The following RAB6A variants were observed in gnomAD, a reference collection of about 807,000 sequenced individuals.
RAB6A encodes the protein ras-related protein Rab-6A.
A neutral mutation model predicts 32.3 loss-of-function variants in RAB6A; 8 were observed. The observed-to-expected ratio is 0.25, with a 90% CI of 0.15 to 0.45. The LOEUF (loss-of-function observed/expected upper bound fraction) is 0.45, where lower values mean the gene tolerates loss of function less well. Among genes scored for constraint, RAB6A ranks in the 20% least tolerant of loss-of-function variants. RAB6A has a pLI of 1.00. For synonymous variants in RAB6A, 73 were observed against 82.1 expected (o/e 0.89, Z 0.60); for missense variants, 104 against 249.4 (o/e 0.42, Z 3.93).
At chr11:73,697,058 C>T (rs1365460111) in intron 6 of RAB6A, among the ~76,000 whole-genome samples, 2 of 151,572 alleles carry the variant, frequency 1.3e-5, no homozygotes, top group Non-Finnish European at 2.9e-5. Context: ...CTTTTCTTAT[C>T]ATATGCCCCT....
intron 5 of RAB6A, among the ~76,000 whole-genome samples, chr11:73,716,030 TA>T (rs1299892268): frequency 7.2e-5 from 11 of 152,250 alleles, no homozygotes; most frequent in Admixed American, 7.2e-4. Flanking sequence ...GCACAAGAGT[TA>T]TTTACACATG....
intron 2 of RAB6A, chr11:73,722,558 C>A (rs1160312135): frequency 1.3e-5 from 2 of 150,864 alleles, no homozygotes; most frequent in Non-Finnish European, 3.0e-5. Flanking sequence ...TAGTCTGGAA[C>A]CCCTAGGTTC....
intron 2 of RAB6A, 84 bp downstream of exon 2, chr11:73,730,681 G>A (rs1315223939): frequency 7.4e-6 from 8 of 1,088,114 alleles, no homozygotes; most frequent in African/African-American, 3.2e-5. Flanking sequence ...ATCCACAACT[G>A]CAAGTAAATA....
intron 3 of RAB6A, among the ~76,000 whole-genome samples, chr11:73,719,325 T>C (rs1248246537): frequency 2.0e-5 from 3 of 152,370 alleles, no homozygotes; most frequent in African/African-American, 7.2e-5. Flanking sequence ...CTTTGAAAGC[T>C]TCTCTCAAGC....
At chr11:73,739,281 AAAAAT>A (rs1292689132) in intron 1 of RAB6A, among the ~76,000 whole-genome samples, 2 of 42,370 alleles carry the variant, frequency 4.7e-5, no homozygotes, top group African/African-American at 6.9e-5. Flanking sequence ...AAAAAAAAAA[AAAAAT>A]ATATATATAT....
intron 6 of RAB6A, among the ~76,000 whole-genome samples, chr11:73,692,375 C>G (rs889531398): frequency 4.0e-5 from 6 of 151,024 alleles, no homozygotes; most frequent in Non-Finnish European, 8.9e-5. Flanking sequence ...TGGTGGCAGG[C>G]GCCTGTAGTC....
intron 1 of RAB6A, among the ~76,000 whole-genome samples, chr11:73,742,406 G>A (rs937764287): frequency 6.6e-5 from 10 of 152,208 alleles, no homozygotes; most frequent in African/African-American, 2.4e-4. Context: ...CCAAAGTGCT[G>A]GGATTACAGG....
chr11:73,681,359 G>C (rs1945354063), intron 6 of RAB6A, among the ~76,000 whole-genome samples: 2 of 152,308 alleles, frequency 1.3e-5, no homozygotes, highest in South Asian at 4.1e-4. Flanking sequence ...TAACATCTGA[G>C]TTGAGATTTA....
chr11:73,693,556 C>CTTTTT (rs891656563), intron 6 of RAB6A, among the ~76,000 whole-genome samples: 2 of 119,034 alleles, frequency 1.7e-5, no homozygotes, highest in African/African-American at 6.2e-5. Flanking sequence ...AAGACTCCAT[C>CTTTTT]TTTTTTTTTT....
At chr11:73,688,387 G>A (rs1455593423) in intron 6 of RAB6A, among the ~76,000 whole-genome samples, 2 of 152,164 alleles carry the variant, frequency 1.3e-5, no homozygotes, top group African/African-American at 2.4e-5. Context: ...ATCTCTGGAA[G>A]GCTTAGTTTG....
intron 5 of RAB6A, among the ~76,000 whole-genome samples, chr11:73,712,698 A>G (rs1945979484): frequency 6.7e-6 from 1 of 148,570 alleles, no homozygotes; most frequent in African/African-American, 2.5e-5. Context: ...CTTTTCATGC[A>G]GCAAGACCAC....
At chr11:73,725,261 AAT>A (rs1946198219) in intron 2 of RAB6A, among the ~76,000 whole-genome samples, 1 of 152,230 alleles carries the variant, frequency 6.6e-6, no homozygotes, top group Admixed American at 6.5e-5. Flanking sequence ...GTTAGTATGA[AAT>A]AGTTACTCCA....
chr11:73,757,363 G>A (rs973167508), intron 1 of RAB6A, among the ~76,000 whole-genome samples: 1 of 150,220 alleles, frequency 6.7e-6, no homozygotes, highest in Non-Finnish European at 1.5e-5. Context: ...GGGAGCCGGG[G>A]ACTCCACCAT....
At chr11:73,740,559 A>G (rs192141841) in intron 1 of RAB6A, among the ~76,000 whole-genome samples, 1 of 152,142 alleles carries the variant, frequency 6.6e-6, no homozygotes, top group African/African-American at 2.4e-5. Flanking sequence ...AATTGAATCA[A>G]GATTTTTTGT....
At position 73,756,928 on chromosome 11, in the gene RAB6A, A is replaced by C. The variant is rs1000356783; in HGVS notation, c.70+3638T>G. On this transcript the variant is annotated intron_variant, in intron 1 of 7. Coordinates refer to ENST00000336083, the MANE Select transcript of RAB6A (RefSeq NM_198896.2). The stretch of plus-strand genomic sequence containing the variant: ...ACCTCAGGTGATTTGCCTGCCTCGG[A>C]CTCCTAAAGTGCTGGGATTACAGGC... Among the ~76,000 whole-genome samples, 10 of 149,090 alleles carry C rather than the reference A, an allele frequency of 6.7e-5. No individual in the cohort carries two copies. The Admixed American group carries it at 6.7e-4, about 10-fold the overall frequency.
intron 4 of RAB6A, among the ~76,000 whole-genome samples, chr11:73,717,037 T>C (rs1469565924): frequency 1.3e-5 from 2 of 152,240 alleles, no homozygotes; most frequent in African/African-American, 2.4e-5. Context: ...TCACTTGCTG[T>C]GGTTAAAGTA....
At chr11:73,685,949 T>G (rs1486696455) in intron 6 of RAB6A, among the ~76,000 whole-genome samples, 1 of 138,822 alleles carries the variant, frequency 7.2e-6, no homozygotes, top group African/African-American at 2.8e-5. Context: ...CTATCAGAGA[T>G]AAATGAACTC....
intron 2 of RAB6A, 121 bp downstream of exon 2, chr11:73,730,644 T>C: frequency 1.3e-6 from 1 of 762,416 alleles, no homozygotes; most frequent in East Asian, 2.7e-5. Context: ...TATACAGCAT[T>C]TTACAGATTA....
chr11:73,751,280 C>T (rs1404929560), intron 1 of RAB6A, among the ~76,000 whole-genome samples: 3 of 152,030 alleles, frequency 2.0e-5, no homozygotes, highest in Non-Finnish European at 2.9e-5. Flanking sequence ...ACAGAAAGAC[C>T]CCGTCTCAAA....
Sources: allele counts gnomAD v4.1 joint callset (sites outside exome capture counted in the v4.1 genomes callset), GRCh38; gene constraint gnomAD v4.1.1; transcripts MANE v1.5; gene names NCBI Gene and HGNC (gene_info 2026-07-23, HGNC 2026-07-21).